GLYR1: variants seen among roughly 807,000 people sequenced by gnomAD.
GLYR1 encodes the protein cytokine-like nuclear factor N-PAC.
A neutral mutation model predicts 72.7 loss-of-function variants in GLYR1; 21 were observed. That is an observed-to-expected ratio of 0.29 (90% CI 0.20 to 0.42). GLYR1 has a LOEUF of 0.42. GLYR1 is among the 10% of genes least tolerant of loss of function. The pLI, the probability that GLYR1 is intolerant of heterozygous loss-of-function variation, is 1.00. For synonymous variants in GLYR1, 392 were observed against 270.2 expected (o/e 1.45, Z -4.42); for missense variants, 594 against 712.1 (o/e 0.83, Z 1.89).
intron 3 of GLYR1, among the ~76,000 whole-genome samples, chr16:4,842,243 CA>C (rs563438281): frequency 8.2e-4 from 95 of 115,896 alleles, no homozygotes; most frequent in Admixed American, 1.1e-3. Context: ...GACTCCGTTT[CA>C]AAAAAAAAAA....
chr16:4,837,978 T>A (rs1168621994), intron 3 of GLYR1, among the ~76,000 whole-genome samples: 1 of 148,410 alleles, frequency 6.7e-6, no homozygotes, highest in African/African-American at 2.5e-5. Flanking sequence ...TAAATAAAGA[T>A]AAGAATAAAA....
intron 2 of GLYR1, 55 bp downstream of exon 2, chr16:4,846,119 C>T (rs2086026485): frequency 1.3e-6 from 2 of 1,578,232 alleles, no homozygotes; most frequent in South Asian, 1.1e-5. Flanking sequence ...ATCTTACATT[C>T]TCCACCTCTT....
rs772025304 is a variant in GLYR1, at chr16:4,813,755, G to A, written c.1101C>T (p.Thr367=). Residue 367 remains threonine, a synonymous_variant, in exon 12 of 16, where the codon ACC becomes ACT. Transcript: ENST00000321919. ...CTGCTACCTGGGCCAGCTCAGTGAC[G>A]GTGTCAGCGTCCACTGTTGACATGT... ...YVDMSTVDAD[T]VTELAQVIVS... The A allele has an allele frequency of 1.2e-5, 19 of 1,607,850 alleles. No individual in the cohort carries two copies. The highest frequency in any genetic ancestry group is 2.2e-5 in the South Asian group (2 of 89,716).
chr16:4,817,941 G>GA (rs2083754637), intron 9 of GLYR1: 2 of 462,738 alleles, frequency 4.3e-6, no homozygotes, highest in Non-Finnish European at 3.9e-6. Flanking sequence ...GACTGTCACA[G>GA]AAAAAAGTAT....
At chr16:4,829,110 AC>A (rs774912571) in intron 5 of GLYR1, among the ~76,000 whole-genome samples, 2 of 151,952 alleles carry the variant, frequency 1.3e-5, no homozygotes, top group East Asian at 3.9e-4. Context: ...CCTTGGGCTG[AC>A]GGTATGCAGG....
At chr16:4,841,378 C>T (rs927748061) in intron 3 of GLYR1, among the ~76,000 whole-genome samples, 4 of 125,556 alleles carry the variant, frequency 3.2e-5, no homozygotes, top group Admixed American at 2.1e-4. Context: ...GCCAGTACTT[C>T]GGGAGGCCGA....
At chr16:4,844,159 T>C (rs1486514300) in intron 3 of GLYR1, among the ~76,000 whole-genome samples, 2 of 147,060 alleles carry the variant, frequency 1.4e-5, no homozygotes, top group Admixed American at 6.8e-5. Context: ...TAGACCCAGG[T>C]AAGCCACTTG....
rs370622860 is a variant in GLYR1 at position 4,846,160 on chromosome 16, A to T, written c.75+14T>A. The T allele has an allele frequency of 6.2e-7, 1 of 1,613,860 alleles. No individual in the cohort carries two copies. ...CCAACTTCAGATCTCTTCCTTTAGTAGCAAGACACTCACCTTTCCTGGCCA... is the reference window on the plus strand; with the variant it reads ...CCAACTTCAGATCTCTTCCTTTAGTTGCAAGACACTCACCTTTCCTGGCCA... On this transcript the variant is annotated intron_variant, in intron 2 of 15. Coordinates refer to ENST00000321919, the MANE Select transcript of GLYR1 (RefSeq NM_032569.4).
In GLYR1 at chr16:4,812,077, G is replaced by C. The variant is rs751867933; in HGVS notation, c.1282+9C>G. 10 of 1,611,932 alleles carry C rather than the reference G, an allele frequency of 6.2e-6. No homozygotes were observed. Among genetic ancestry groups the C allele is most frequent in the Admixed American group, 1.7e-5 (1 of 59,784 alleles). On this transcript the variant is annotated intron_variant, in intron 13 of 15. Transcript: ENST00000321919. ...CAGGCTCCAGGCCTGACAGGTGCAG[G>C]CGTGTTACCTAGGAAGAAGGAGGTC...
chr16:4,809,285 G>A (rs1346046154), intron 15 of GLYR1, among the ~76,000 whole-genome samples: 1 of 147,072 alleles, frequency 6.8e-6, no homozygotes, highest in African/African-American at 2.5e-5. Flanking sequence ...CCGCCTCCCA[G>A]GTTCAAGCAA....
intron 5 of GLYR1, among the ~76,000 whole-genome samples, chr16:4,830,733 G>A (rs925825026): frequency 9.9e-5 from 15 of 152,140 alleles, no homozygotes; most frequent in Non-Finnish European, 5.9e-5. Context: ...CTTCTCTGTG[G>A]CCTTGTAAGA....
intron 12 of GLYR1, among the ~76,000 whole-genome samples, chr16:4,812,956 C>G (rs547643985): frequency 4.0e-5 from 6 of 150,962 alleles, no homozygotes; most frequent in Non-Finnish European, 8.8e-5. Context: ...GCCACCATGC[C>G]TGGCTAATTT....
intron 5 of GLYR1, among the ~76,000 whole-genome samples, chr16:4,827,410 A>G (rs1567739848): frequency 6.6e-6 from 1 of 152,190 alleles, no homozygotes; most frequent in Non-Finnish European, 1.5e-5. Flanking sequence ...GTCCTGTACC[A>G]CATGCCAGCT....
chr16:4,820,785 C>T (rs1396366935), intron 9 of GLYR1, among the ~76,000 whole-genome samples: 1 of 152,240 alleles, frequency 6.6e-6, no homozygotes, highest in African/African-American at 2.4e-5. Flanking sequence ...GACATGCCTA[C>T]AGAGCAGGCA....
chr16:4,845,167 G>A lies in GLYR1; in HGVS notation c.76-14C>T, dbSNP rs747925448. The A allele has an allele frequency of 6.2e-7, 1 of 1,607,780 alleles. No individual in the cohort carries two copies. The highest frequency in any genetic ancestry group is 8.5e-7 in the Non-Finnish European group (1 of 1,174,454). ...TGGATTAACAATCTGGAGGATAAAAGGGGGGAAAAAGGTTGGCTGGCAACA... is the reference window on the plus strand; with the variant it reads ...TGGATTAACAATCTGGAGGATAAAAAGGGGGAAAAAGGTTGGCTGGCAACA... On this transcript the variant is annotated splice_polypyrimidine_tract_variant and intron_variant, in intron 2 of 15. Coordinates refer to ENST00000321919, the MANE Select transcript of GLYR1 (RefSeq NM_032569.4).
At chr16:4,822,107 G>T (rs2084069893) in intron 7 of GLYR1, among the ~76,000 whole-genome samples, 2 of 100,236 alleles carry the variant, frequency 2.0e-5, no homozygotes, top group African/African-American at 8.5e-5. Flanking sequence ...GCTCTTCTGA[G>T]ATAGAGTCTC....
At chr16:4,832,271 C>A in intron 4 of GLYR1, 50 bp from the exon 5 acceptor site, 4 of 1,599,920 alleles carry the variant, frequency 2.5e-6, no homozygotes, top group South Asian at 2.2e-5. Flanking sequence ...CTGCTGCCGC[C>A]ATCGCCACCA....
At chr16:4,843,356 T>C (rs1178429102) in intron 3 of GLYR1, 1 of 538,656 alleles carries the variant, frequency 1.9e-6, no homozygotes, top group Non-Finnish European at 2.6e-6. Context: ...GGTTTTGCCA[T>C]GTTGGCCAGG....
chr16:4,804,707 G>C lies in GLYR1; in HGVS notation c.*529C>G, dbSNP rs1476197412. 1.2e-5 allele frequency: 2 copies of C among 162,410 alleles called. No homozygotes were observed. The highest frequency in any genetic ancestry group is 2.7e-5 in the Non-Finnish European group (2 of 73,180). 10.1% of individuals were successfully genotyped at this position (162,410 alleles called of 1,614,324 possible). On this transcript the variant is annotated 3_prime_UTR_variant, in exon 16 of 16. Coordinates refer to ENST00000321919, the MANE Select transcript of GLYR1 (RefSeq NM_032569.4). ...AGGGCCCCAAGGGCCCCTCTGTCTG[G>C]AGTCTGTACTGGCTCATCTGGGCCC...
Sources: allele counts gnomAD v4.1 joint callset (sites outside exome capture counted in the v4.1 genomes callset), GRCh38; gene constraint gnomAD v4.1.1; transcripts MANE v1.5; gene names NCBI Gene and HGNC (gene_info 2026-07-23, HGNC 2026-07-21).